Variants in KLHL13 observed in about 807,000 individuals in gnomAD.
The protein encoded by KLHL13 is kelch like family member 13.
Under a neutral mutation model 37.1 loss-of-function variants are expected in KLHL13, and 10 were observed. The ratio of observed to expected loss-of-function variants is 0.27; its 90% CI spans 0.17 to 0.46. The LOEUF (loss-of-function observed/expected upper bound fraction) is 0.46, where lower values mean the gene tolerates loss of function less well. KLHL13 is among the 20% of genes least tolerant of loss of function. The pLI is 1.00. For synonymous variants in KLHL13, 163 were observed against 181.2 expected, an observed-to-expected ratio of 0.90 and a Z score of 0.81; for missense variants, 360 against 509.3, an observed-to-expected ratio of 0.71 and a Z score of 2.82.
At chrX:118,022,249 T>C (rs1350239547) in intron 1 of KLHL13, among the ~76,000 whole-genome samples, 1 of 112,031 alleles carries the variant, frequency 8.9e-6, no homozygotes, top group African/African-American at 3.2e-5. Context: ...AGTCATCCAT[T>C]GAAAGTTGTT....
intron 2 of KLHL13, among the ~76,000 whole-genome samples, chrX:117,942,560 T>C (rs753349234): frequency 8.9e-6 from 1 of 111,968 alleles, no homozygotes; most frequent in East Asian, 2.8e-4. Flanking sequence ...TCTTGTTGCA[T>C]TGATCCCTTT....
At chrX:118,029,048 C>T (rs2054306473) in intron 1 of KLHL13, among the ~76,000 whole-genome samples, 1 of 111,100 alleles carries the variant, frequency 9.0e-6, no homozygotes, top group African/African-American at 3.3e-5. Flanking sequence ...ATATAGGGTT[C>T]GGTACTCTCC....
intron 1 of KLHL13, among the ~76,000 whole-genome samples, chrX:118,088,223 A>G: frequency 8.9e-6 from 1 of 112,205 alleles, no homozygotes; most frequent in Non-Finnish European, 1.9e-5. Context: ...ATCTACATTT[A>G]CTGTTTCAAA....
At chrX:117,956,120 T>C (rs1390704821) in intron 1 of KLHL13, among the ~76,000 whole-genome samples, 1 of 111,929 alleles carries the variant, frequency 8.9e-6, no homozygotes, top group African/African-American at 3.2e-5. Context: ...ACAACTCTGC[T>C]AATGTGAATA....
rs771534683 is a variant in KLHL13 at position 118,069,109 on chromosome X, T to TCACACACACACACACACACACACACACA, written c.-56+47371_-56+47398dup. On this transcript the variant is annotated intron_variant, in intron 1 of 6. Coordinates refer to the KLHL13 transcript ENST00000371882. ...GTGAAAACAGGGCCATCCAGAAGAG[T>TCACACACACACACACACACACACACACA]CACACACACACACACACACACACAC... Among the ~76,000 whole-genome samples, 45 of 83,987 alleles carry TCACACACACACACACACACACACACACA rather than the reference T, an allele frequency of 5.4e-4. 1 individual carries two copies. Among genetic ancestry groups the TCACACACACACACACACACACACACACA allele is most frequent in the African/African-American group, 1.9e-3 (40 of 21,030 alleles). The allele number at this position is 83,987 out of a possible 115,157, so 72.9% of individuals were successfully genotyped here. A position where few individuals can be genotyped will look rare whatever the true frequency, so the allele number is the denominator to read the frequency against.
chrX:118,049,198 G>C (rs1602683110), intron 1 of KLHL13, among the ~76,000 whole-genome samples: 2 of 111,615 alleles, frequency 1.8e-5, no homozygotes, highest in Non-Finnish European at 3.8e-5. Context: ...AATTTTAGGA[G>C]TTTCTCTAGT....
At chrX:118,053,646 A>G (rs1248942122) in intron 1 of KLHL13, among the ~76,000 whole-genome samples, 2 of 107,420 alleles carry the variant, frequency 1.9e-5, no homozygotes, top group Non-Finnish European at 3.8e-5. Context: ...ATAATAATAA[A>G]AAAAAGAAAA....
chrX:117,914,807 G>A (rs1931230441), intron 4 of KLHL13, among the ~76,000 whole-genome samples: 1 of 112,567 alleles, frequency 8.9e-6, no homozygotes, highest in Non-Finnish European at 1.9e-5. Context: ...TGAATGCAAT[G>A]TTAGTTATTA....
At chrX:117,994,416 C>T (rs2053831028) in intron 1 of KLHL13, among the ~76,000 whole-genome samples, 1 of 110,592 alleles carries the variant, frequency 9.0e-6, no homozygotes, top group African/African-American at 3.3e-5. Context: ...ACAATGCCCA[C>T]TAATTTTTTT....
intron 1 of KLHL13, among the ~76,000 whole-genome samples, chrX:117,987,960 G>GA (rs2053746774): frequency 9.0e-6 from 1 of 111,701 alleles, no homozygotes. Context: ...GTACTTGGGG[G>GA]ACATTAAAAT....
At chrX:117,932,898 T>C (rs1932532773) in intron 2 of KLHL13, among the ~76,000 whole-genome samples, 2 of 111,833 alleles carry the variant, frequency 1.8e-5, no homozygotes, top group African/African-American at 3.2e-5. Context: ...TTTTTTATAA[T>C]AACCATTCTA....
At chrX:118,051,826 C>A (rs2054617191) in intron 1 of KLHL13, among the ~76,000 whole-genome samples, 1 of 111,166 alleles carries the variant, frequency 9.0e-6, no homozygotes, top group African/African-American at 3.3e-5. Context: ...ATTGGGAGAA[C>A]TGAACACATA....
chrX:117,950,486 A>G (rs1471207648), intron 1 of KLHL13, among the ~76,000 whole-genome samples: 1 of 112,045 alleles, frequency 8.9e-6, no homozygotes, highest in Non-Finnish European at 1.9e-5. Flanking sequence ...AAAAGAAAAA[A>G]AAGAAAGTCT....
chrX:117,909,802 G>A, exon 5 of KLHL13: 1 of 1,210,877 alleles, frequency 8.3e-7, no homozygotes, highest in Non-Finnish European at 1.1e-6. Flanking sequence ...AGCTCCTGTG[G>A]TGTCATCAGT....
chrX:117,939,792 GT>G (rs1266844647), intron 2 of KLHL13, among the ~76,000 whole-genome samples: 7 of 111,665 alleles, frequency 6.3e-5, no homozygotes, highest in African/African-American at 2.0e-4. Context: ...GGGGTGGTTT[GT>G]TTTTTTCTTG....
intron 1 of KLHL13, among the ~76,000 whole-genome samples, chrX:118,057,615 T>C (rs971823012): frequency 1.8e-5 from 2 of 111,171 alleles, no homozygotes; most frequent in African/African-American, 6.6e-5. Flanking sequence ...GGTCAGAAGA[T>C]CGAGACCATC....
chrX:118,040,819 A>G (rs1387475407), intron 1 of KLHL13, among the ~76,000 whole-genome samples: 1 of 112,343 alleles, frequency 8.9e-6, no homozygotes, highest in South Asian at 3.7e-4. Flanking sequence ...GCAAGAGAAA[A>G]GAAACAAATA....
intron 1 of KLHL13, among the ~76,000 whole-genome samples, chrX:118,109,907 C>G (rs954477324): frequency 9.0e-6 from 1 of 111,683 alleles, no homozygotes; most frequent in Non-Finnish European, 1.9e-5. Context: ...GGTACAGTGG[C>G]TCATGCCTGT....
At chrX:117,967,856 G>A (rs1043575291) in intron 1 of KLHL13, among the ~76,000 whole-genome samples, 2 of 111,976 alleles carry the variant, frequency 1.8e-5, no homozygotes, top group African/African-American at 6.5e-5. Flanking sequence ...CAGACAGTGA[G>A]GAGCAAGCAA....
Sources: allele counts gnomAD v4.1 joint callset (sites outside exome capture counted in the v4.1 genomes callset), GRCh38; gene constraint gnomAD v4.1.1; transcripts MANE v1.5; gene names NCBI Gene and HGNC (gene_info 2026-07-23, HGNC 2026-07-21).